The following RGS7 variants were observed in gnomAD, a reference collection of about 807,000 sequenced individuals.
RGS7 encodes regulator of G-protein signaling 7.
In RGS7, 27 loss-of-function variants were observed where a neutral mutation model predicts 81.1. The ratio of observed to expected loss-of-function variants is 0.33; its 90% CI spans 0.25 to 0.46. The LOEUF is 0.46. Ranked by LOEUF, RGS7 falls within the 20% of genes least tolerant of loss-of-function variation. RGS7 has a pLI of 1.00. For missense variants in RGS7, 396 were observed against 607.4 expected, an observed-to-expected ratio of 0.65 and a Z score of 3.66; for synonymous variants, 208 against 207.7, an observed-to-expected ratio of 1.00 and a Z score of -0.01.
chr1:241,327,679 G>T (rs1017434190), intron 2 of RGS7, among the ~76,000 whole-genome samples: 3 of 152,156 alleles, frequency 2.0e-5, no homozygotes, highest in African/African-American at 7.2e-5. Flanking sequence ...GGAAAGAAAA[G>T]AAAAGCCATT....
chr1:241,019,826 A>C (rs569442665), intron 3 of RGS7, among the ~76,000 whole-genome samples: 5 of 152,230 alleles, frequency 3.3e-5, no homozygotes, highest in Admixed American at 6.5e-5. Flanking sequence ...ATGCATGTGC[A>C]TGTGTCTATA....
chr1:241,097,198 A>C (rs376792203), intron 3 of RGS7, among the ~76,000 whole-genome samples: 5 of 151,938 alleles, frequency 3.3e-5, no homozygotes, highest in Admixed American at 6.5e-5. Context: ...GAATGGATGG[A>C]ATTTAACAAG....
chr1:240,936,177 C>T (rs1268930991), intron 5 of RGS7, among the ~76,000 whole-genome samples: 1 of 152,138 alleles, frequency 6.6e-6, no homozygotes, highest in African/African-American at 2.4e-5. Flanking sequence ...TGTAGAAGAG[C>T]CTAGGATGCT....
At chr1:240,880,409 C>T (rs1199374104) in intron 6 of RGS7, among the ~76,000 whole-genome samples, 2 of 152,238 alleles carry the variant, frequency 1.3e-5, no homozygotes, top group Admixed American at 1.3e-4. Flanking sequence ...GGCTGCTACA[C>T]TGGTGAAGTT....
At position 241,119,307 on chromosome 1, in the gene RGS7, A is replaced by C. The variant is rs142555743; in HGVS notation, c.79-20545T>G. Among the ~76,000 whole-genome samples the C allele has an allele frequency of 4.9e-3, 740 of 152,266 alleles. 4 individuals carry two copies. The highest frequency in any genetic ancestry group is 0.017 in the African/African-American group (700 of 41,558). Reference sequence around the variant, plus strand: ...GATTTTCACATCTATTTCTGCATTCAATCAGTTGCAATATGTTGTTTTAGT... The same window carrying C: ...GATTTTCACATCTATTTCTGCATTCCATCAGTTGCAATATGTTGTTTTAGT... On this transcript the variant is annotated intron_variant, in intron 2 of 18. Coordinates refer to ENST00000440928, the MANE Select transcript of RGS7 (RefSeq NM_001364886.1).
At chr1:241,100,666 G>GT (rs2064668873) in intron 2 of RGS7, among the ~76,000 whole-genome samples, 1 of 152,172 alleles carries the variant, frequency 6.6e-6, no homozygotes, top group Admixed American at 6.5e-5. Context: ...AATAATACTT[G>GT]TAATAATTTC....
chr1:240,878,017 CA>C (rs1365144960), intron 6 of RGS7, among the ~76,000 whole-genome samples: 1 of 152,106 alleles, frequency 6.6e-6, no homozygotes, highest in Non-Finnish European at 1.5e-5. Context: ...GGAAAAGCCA[CA>C]GTCCTTACTG....
At chr1:240,954,525 AT>A in intron 4 of RGS7, among the ~76,000 whole-genome samples, 1 of 147,260 alleles carries the variant, frequency 6.8e-6, no homozygotes, top group South Asian at 2.2e-4. Flanking sequence ...ACAAGAAATC[AT>A]TAGACAGAAT....
At chr1:240,920,029 A>T (rs1401301593) in intron 6 of RGS7, 94 of 1,194,302 alleles carry the variant, frequency 7.9e-5, no homozygotes, top group Non-Finnish European at 4.9e-6. Context: ...TATTTTGAAC[A>T]GTTTGGAAAA....
intron 18 of RGS7, among the ~76,000 whole-genome samples, chr1:240,778,677 C>T (rs1445648087): frequency 6.6e-6 from 1 of 152,136 alleles, no homozygotes; most frequent in Admixed American, 6.5e-5. Flanking sequence ...TAACTACAGG[C>T]ACCTGCCACC....
At chr1:241,269,639 G>A (rs2077766872) in intron 2 of RGS7, among the ~76,000 whole-genome samples, 1 of 152,166 alleles carries the variant, frequency 6.6e-6, no homozygotes, top group South Asian at 2.1e-4. Context: ...GAAAAAGAAG[G>A]AGACAAATTG....
In RGS7 at chr1:241,003,410, G is replaced by A. The variant is rs533791257; in HGVS notation, c.176-20281C>T. ...CAGGAGGCAGAGCTTGCAGTGAACC[G>A]AGATCGCGCCACTGCACTCCAGCCT... On this transcript the variant is annotated intron_variant, in intron 3 of 18. Transcript: ENST00000440928. 2.3e-4 allele frequency among the ~76,000 whole-genome samples: 33 copies of A among 145,444 alleles called. 2 individuals are homozygous for A. The South Asian group carries it at 6.3e-3, about 28-fold the overall frequency.
intron 3 of RGS7, among the ~76,000 whole-genome samples, chr1:241,036,814 T>C (rs1387663799): frequency 6.6e-6 from 1 of 152,108 alleles, no homozygotes; most frequent in Admixed American, 6.6e-5. Flanking sequence ...TACCAGCCAA[T>C]GTAAGGTGAA....
intron 5 of RGS7, among the ~76,000 whole-genome samples, chr1:240,933,322 C>T (rs989188304): frequency 1.5e-4 from 23 of 151,970 alleles, no homozygotes; most frequent in Non-Finnish European, 2.6e-4. Flanking sequence ...CTATTCTACT[C>T]AGACAAGACA....
intron 2 of RGS7, among the ~76,000 whole-genome samples, chr1:241,304,145 G>A (rs80306171): frequency 0.052 from 7,925 of 151,900 alleles, 221 homozygotes; most frequent in Middle Eastern, 0.062. Flanking sequence ...TGCCCAGCCC[G>A]GGCTCAAACT....
chr1:241,175,473 C>G (rs2071063275), intron 2 of RGS7, among the ~76,000 whole-genome samples: 1 of 152,118 alleles, frequency 6.6e-6, no homozygotes, highest in African/African-American at 2.4e-5. Context: ...CAGAAGAGGT[C>G]AACCACTGCA....
At chr1:241,064,423 CAA>C (rs557864611) in intron 3 of RGS7, among the ~76,000 whole-genome samples, 15 of 95,200 alleles carry the variant, frequency 1.6e-4, no homozygotes, top group African/African-American at 1.2e-4. Flanking sequence ...CAGTCTCTAC[CAA>C]AAAAAAAAAA....
chr1:241,198,055 G>GA (rs1356252543), intron 2 of RGS7, among the ~76,000 whole-genome samples: 2 of 151,912 alleles, frequency 1.3e-5, no homozygotes, highest in East Asian at 1.9e-4. Context: ...AAATGGGTAA[G>GA]AAAAATAAGT....
intron 3 of RGS7, among the ~76,000 whole-genome samples, chr1:241,011,280 G>A (rs1179751683): frequency 6.6e-6 from 1 of 152,138 alleles, no homozygotes; most frequent in Non-Finnish European, 1.5e-5. Flanking sequence ...GGGACTGAAA[G>A]GCAGAAGGAC....
Sources: gnomAD v4.1 joint callset for allele counts (sites outside exome capture counted in the v4.1 genomes callset) on GRCh38, gnomAD v4.1.1 for gene constraint, MANE v1.5 for transcripts, NCBI Gene and HGNC (gene_info 2026-07-23, HGNC 2026-07-21) for gene names.